THSD7A: variants seen among roughly 807,000 people sequenced by gnomAD.
THSD7A encodes thrombospondin type 1 domain containing 7A.
In THSD7A, 96 loss-of-function variants were observed where a neutral mutation model predicts 231.3. That is an observed-to-expected ratio of 0.41 (90% CI 0.35 to 0.49). The LOEUF (loss-of-function observed/expected upper bound fraction) is 0.49, where lower values mean the gene tolerates loss of function less well. THSD7A is among the 20% of genes least tolerant of loss of function. THSD7A has a pLI of 0.05. For synonymous variants in THSD7A, 940 were observed against 743.3 expected, an observed-to-expected ratio of 1.26 and a Z score of -4.30; for missense variants, 2,290 against 2,070.2, an observed-to-expected ratio of 1.11 and a Z score of -2.06.
chr7:11,400,450 T>A (rs1051090627), intron 23 of THSD7A, among the ~76,000 whole-genome samples: 2 of 151,880 alleles, frequency 1.3e-5, no homozygotes, highest in Non-Finnish European at 2.9e-5. Flanking sequence ...TGCTGGATAA[T>A]GCTTTAGAGG....
intron 1 of THSD7A, among the ~76,000 whole-genome samples, chr7:11,727,855 G>T (rs1334077621): frequency 6.6e-6 from 1 of 151,800 alleles, no homozygotes. Flanking sequence ...CCTCATTACT[G>T]TAAGAGCTTA....
At position 11,483,072 on chromosome 7, in the gene THSD7A, G is replaced by A. The variant is rs144615834; in HGVS notation, c.1823-1090C>T. Among the ~76,000 whole-genome samples the A allele has an allele frequency of 7.5e-3, 1,137 of 152,256 alleles. 18 individuals are homozygous for A. The highest frequency in any genetic ancestry group is 0.026 in the African/African-American group (1,069 of 41,542). ...ACAGAATATAATCATAATTCTGGGT[G>A]AATATATAAAAAGTGTGTGCCTCGC... On this transcript the variant is annotated intron_variant, in intron 6 of 27. Coordinates refer to ENST00000423059, the MANE Select transcript of THSD7A (RefSeq NM_015204.3).
intron 2 of THSD7A, among the ~76,000 whole-genome samples, chr7:11,599,483 T>G (rs1437076942): frequency 6.6e-6 from 1 of 152,248 alleles, no homozygotes; most frequent in Non-Finnish European, 1.5e-5. Context: ...ACACTTGTAC[T>G]AAGAAAATGT....
At chr7:11,727,049 T>C (rs987973036) in intron 1 of THSD7A, among the ~76,000 whole-genome samples, 1 of 151,968 alleles carries the variant, frequency 6.6e-6, no homozygotes, top group Non-Finnish European at 1.5e-5. Flanking sequence ...GGCATCCAAA[T>C]TACTTTTGCA....
At chr7:11,731,210 C>A (rs1781720938) in intron 1 of THSD7A, among the ~76,000 whole-genome samples, 1 of 151,406 alleles carries the variant, frequency 6.6e-6, no homozygotes. Flanking sequence ...TTTACTGTTG[C>A]CCTATTACAG....
chr7:11,413,816 C>T (rs1226128731), intron 17 of THSD7A: 1 of 152,350 alleles, frequency 6.6e-6, no homozygotes, highest in Non-Finnish European at 1.5e-5. Context: ...ACACCCAGGG[C>T]TCTACCTGGA....
At chr7:11,813,491 A>T (rs1583311816) in intron 1 of THSD7A, among the ~76,000 whole-genome samples, 1 of 152,050 alleles carries the variant, frequency 6.6e-6, no homozygotes, top group Non-Finnish European at 1.5e-5. Context: ...AGGCAGGCGG[A>T]TCACGAGGTC....
rs1029153777 is a variant in THSD7A, at chr7:11,775,840, T to A, written c.190+55917A>T. 6.6e-5 allele frequency among the ~76,000 whole-genome samples: 10 copies of A among 152,332 alleles called. No homozygotes were observed. The South Asian group carries it at 2.1e-3, about 32-fold the overall frequency. On this transcript the variant is annotated intron_variant, in intron 1 of 27. Transcript: ENST00000423059. Reference sequence around the variant, plus strand: ...GGTTAAAGTAGTACATTTAGTGTTATGAATATTTTACTGTAATTTTAAAAA... The same window carrying A: ...GGTTAAAGTAGTACATTTAGTGTTAAGAATATTTTACTGTAATTTTAAAAA...
In THSD7A at chr7:11,590,473, G is replaced by A; in HGVS notation, c.1440C>T (p.His480=). The change falls in exon 4 of 28, where the codon CAC becomes CAT. Residue 480 remains histidine (H), a synonymous_variant. Transcript: ENST00000423059. This position sits in a 1 kb window ranked among gnomAD's most constrained non-coding sequence, Gnocchi z 4.4. ...NENLLSQLST[H]KNKEASKPMD... Reference sequence around the variant, plus strand: ...AGCAAAGGTTACCTTCTTTGTTCTTGTGGGTACTTAATTGTGAGAGGAGGT... The same window carrying A: ...AGCAAAGGTTACCTTCTTTGTTCTTATGGGTACTTAATTGTGAGAGGAGGT... 1 of 1,611,258 alleles carries A rather than the reference G, an allele frequency of 6.2e-7. No individual in the cohort carries two copies.
At chr7:11,548,431 A>T (rs1789489057) in intron 4 of THSD7A, among the ~76,000 whole-genome samples, 1 of 152,118 alleles carries the variant, frequency 6.6e-6, no homozygotes, top group Non-Finnish European at 1.5e-5. Flanking sequence ...TACCATATAT[A>T]TATAAAGAAG....
chr7:11,735,117 A>T (rs1265670884), intron 1 of THSD7A, among the ~76,000 whole-genome samples: 1 of 151,858 alleles, frequency 6.6e-6, no homozygotes, highest in East Asian at 1.9e-4. Flanking sequence ...TCCAGCTCAA[A>T]TTCTTAGTAC....
intron 1 of THSD7A, among the ~76,000 whole-genome samples, chr7:11,672,296 T>C (rs1486169060): frequency 6.6e-6 from 1 of 152,156 alleles, no homozygotes. Flanking sequence ...TTGGTTGATA[T>C]ATTATTTGTT....
chr7:11,610,942 A>G (rs1780900957), intron 2 of THSD7A, among the ~76,000 whole-genome samples: 1 of 152,126 alleles, frequency 6.6e-6, no homozygotes, highest in African/African-American at 2.4e-5. Flanking sequence ...CTTTTGTTGA[A>G]TTTACAAGGA....
chr7:11,787,598 C>T (rs946737058), intron 1 of THSD7A, among the ~76,000 whole-genome samples: 1 of 151,950 alleles, frequency 6.6e-6, no homozygotes, highest in African/African-American at 2.4e-5. Flanking sequence ...AGGCGAAAGA[C>T]CTAAACAGCC....
rs376357340 is a variant in THSD7A, at chr7:11,454,122, A to C, written c.2605+6540T>G. Among the ~76,000 whole-genome samples the C allele has an allele frequency of 7.9e-5, 12 of 152,024 alleles. No homozygotes were observed. In the East Asian group the frequency reaches 1.2e-3, roughly 15 times the overall value. On this transcript the variant is annotated intron_variant, in intron 11 of 27. Coordinates refer to ENST00000423059, the MANE Select transcript of THSD7A (RefSeq NM_015204.3). Reference sequence around the variant, plus strand: ...TTCAAAGTTAAAATGAAATATGGCCATACTTCATGTTATTTGCATTTCTCT... The same window carrying C: ...TTCAAAGTTAAAATGAAATATGGCCCTACTTCATGTTATTTGCATTTCTCT...
At chr7:11,498,406 T>A (rs550333654) in intron 6 of THSD7A, among the ~76,000 whole-genome samples, 1 of 152,224 alleles carries the variant, frequency 6.6e-6, no homozygotes, top group African/African-American at 2.4e-5. Flanking sequence ...CTCTTCCTCC[T>A]CACTGGGTGG....
In THSD7A at chr7:11,831,546, G is replaced by C. The variant is rs1386033752; in HGVS notation, c.190+211C>G. On this transcript the variant is annotated intron_variant, in intron 1 of 27. Transcript: ENST00000423059. The surrounding 1 kb of genome is among the most constrained non-coding windows in gnomAD (Gnocchi z 5.0). ...ACAGAGCTGCGAGAGAAATATTCCAGCTACTCACTGTTGCCTCTTAGTTGT... is the reference window on the plus strand; with the variant it reads ...ACAGAGCTGCGAGAGAAATATTCCACCTACTCACTGTTGCCTCTTAGTTGT... Among the ~76,000 whole-genome samples the C allele has an allele frequency of 2.6e-5, 4 of 152,156 alleles. No individual in the cohort carries two copies. The highest frequency in any genetic ancestry group is 9.7e-5 in the African/African-American group (4 of 41,436).
At chr7:11,713,993 C>A (rs531249853) in intron 1 of THSD7A, among the ~76,000 whole-genome samples, 1 of 151,038 alleles carries the variant, frequency 6.6e-6, no homozygotes, top group Non-Finnish European at 1.5e-5. Context: ...CATCAGAGTG[C>A]GTCATATACA....
chr7:11,793,405 G>A (rs149248206), intron 1 of THSD7A, among the ~76,000 whole-genome samples: 42 of 151,864 alleles, frequency 2.8e-4, no homozygotes, highest in Admixed American at 9.2e-4. Context: ...CTCTGAGAAA[G>A]AAATCAGAAT....
Sources: allele counts gnomAD v4.1 joint callset (sites outside exome capture counted in the v4.1 genomes callset), GRCh38; gene constraint gnomAD v4.1.1; non-coding constraint Gnocchi (gnomAD v3.1); transcripts MANE v1.5; gene names NCBI Gene and HGNC (gene_info 2026-07-23, HGNC 2026-07-21).